Variants in GBX1 observed in about 807,000 individuals in gnomAD.
GBX1 encodes homeobox protein GBX-1.
In GBX1, 9 loss-of-function variants were observed where a neutral mutation model predicts 22.9. The ratio of observed to expected loss-of-function variants is 0.39; its 90% CI spans 0.24 to 0.69. The LOEUF (loss-of-function observed/expected upper bound fraction) is 0.69. Among genes scored for constraint, GBX1 ranks in the 30% least tolerant of loss-of-function variants. GBX1 has a pLI of 0.43. For synonymous variants in GBX1, 203 were observed against 227.3 expected, an observed-to-expected ratio of 0.89 and a Z score of 0.96; for missense variants, 494 against 509.2, an observed-to-expected ratio of 0.97 and a Z score of 0.29.
intron 1 of GBX1, among the ~76,000 whole-genome samples, chr7:151,154,674 T>A (rs937481078): frequency 4.6e-5 from 7 of 152,218 alleles, no homozygotes; most frequent in African/African-American, 1.7e-4. Context: ...GAACCTTGAT[T>A]ACTTGTAGAG....
chr7:151,152,565 A>G (rs1034983306), intron 1 of GBX1, among the ~76,000 whole-genome samples: 2 of 152,282 alleles, frequency 1.3e-5, no homozygotes, highest in African/African-American at 4.8e-5. Context: ...ACAATATGTT[A>G]AACAGTGCTA....
intron 1 of GBX1, chr7:151,149,790 C>G: frequency 5.0e-6 from 2 of 399,116 alleles, no homozygotes; most frequent in Non-Finnish European, 1.0e-5. Context: ...AGTCCCTGAA[C>G]CTCATTTCCA....
At chr7:151,150,566 G>C (rs1801065574) in intron 1 of GBX1, among the ~76,000 whole-genome samples, 1 of 152,140 alleles carries the variant, frequency 6.6e-6, no homozygotes, top group Non-Finnish European at 1.5e-5. Flanking sequence ...GAGGGTGTGT[G>C]TGTTCACAGA....
At position 151,148,920 on chromosome 7, in the gene GBX1, A is replaced by G; in HGVS notation, c.761T>C (p.Val254Ala). 6.2e-7 allele frequency: 1 copy of G among 1,613,568 alleles called. No individual in the cohort carries two copies. The highest frequency in any genetic ancestry group is 2.2e-5 in the East Asian group (1 of 44,856). Residue 254 changes from valine to alanine, a missense_variant, in exon 2 of 2, where the codon GTC becomes GCC. By Grantham distance (64) the Val-to-Ala change is moderately conservative (BLOSUM62 0). Transcript: ENST00000297537. The surrounding 1 kb of genome is among the most constrained non-coding windows in gnomAD (Gnocchi z 5.1). ...AEEGAPVTAG[V>A]TAPGGKSRRR... ...TCGGCTTTTCCCCCCAGGAGCTGTG[A>G]CCCCTGCTGTCACCGGTGCCCCCTC...
intron 1 of GBX1, among the ~76,000 whole-genome samples, chr7:151,150,323 A>G (rs996016146): frequency 6.6e-6 from 1 of 152,262 alleles, no homozygotes; most frequent in Non-Finnish European, 1.5e-5. Flanking sequence ...GTCAAAAGAC[A>G]ATCAATAGGC....
chr7:151,155,560 T>TCG (rs1801124701), intron 1 of GBX1, among the ~76,000 whole-genome samples: 1 of 152,078 alleles, frequency 6.6e-6, no homozygotes, highest in Non-Finnish European at 1.5e-5. Flanking sequence ...TCTCTCTCTC[T>TCG]GCACTCTTCC....
intron 1 of GBX1, among the ~76,000 whole-genome samples, chr7:151,150,669 C>A (rs1801070363): frequency 6.6e-6 from 1 of 151,738 alleles, no homozygotes; most frequent in Non-Finnish European, 1.5e-5. Flanking sequence ...CTCACAGGTG[C>A]AGTCTACACC....
At chr7:151,149,901 G>A (rs1028768090) in intron 1 of GBX1, 1 of 455,918 alleles carries the variant, frequency 2.2e-6, no homozygotes, top group Non-Finnish European at 4.4e-6. Context: ...ACCTTAAAAT[G>A]AAACCATCTC....
intron 1 of GBX1, among the ~76,000 whole-genome samples, chr7:151,165,185 G>A (rs1801235624): frequency 6.6e-6 from 1 of 152,008 alleles, no homozygotes; most frequent in South Asian, 2.1e-4. Flanking sequence ...TTTCTCTTCT[G>A]TTTTTTCTCT....
intron 1 of GBX1, among the ~76,000 whole-genome samples, chr7:151,151,143 G>A (rs1053964147): frequency 1.3e-5 from 2 of 152,158 alleles, no homozygotes; most frequent in Non-Finnish European, 2.9e-5. Flanking sequence ...TCTTTCTGGA[G>A]TGCTTCCTGT....
In GBX1 at chr7:151,148,472, A is replaced by G. The variant is rs1487740610; in HGVS notation, c.*117T>C. 2.0e-6 allele frequency: 2 copies of G among 978,908 alleles called. No individual in the cohort carries two copies. The highest frequency in any genetic ancestry group is 1.6e-5 in the African/African-American group (1 of 60,800). The allele number at this position is 978,908 out of a possible 1,614,324, so 60.6% of individuals were successfully genotyped here. A position where few individuals can be genotyped will look rare whatever the true frequency, so the allele number is the denominator to read the frequency against. On this transcript the variant is annotated 3_prime_UTR_variant, in exon 2 of 2. Coordinates refer to ENST00000297537, the MANE Select transcript of GBX1 (RefSeq NM_001098834.3). This position sits in a 1 kb window ranked among gnomAD's most constrained non-coding sequence, Gnocchi z 5.1. ...ACACCCAGGGCTAGGTTAATTGCCAACTAGCCCCTCTCAAGGCAGAATCAC... is the reference window on the plus strand; with the variant it reads ...ACACCCAGGGCTAGGTTAATTGCCAGCTAGCCCCTCTCAAGGCAGAATCAC...
intron 1 of GBX1, among the ~76,000 whole-genome samples, chr7:151,154,267 GATAA>G (rs1801110574): frequency 6.6e-6 from 1 of 151,932 alleles, no homozygotes; most frequent in African/African-American, 2.4e-5. Flanking sequence ...AACAAAAAAC[GATAA>G]ATAAATAAGA....
intron 1 of GBX1, among the ~76,000 whole-genome samples, chr7:151,151,628 G>A (rs145269262): frequency 7.9e-5 from 12 of 152,108 alleles, no homozygotes; most frequent in African/African-American, 1.9e-4. Flanking sequence ...ACCTAACCTC[G>A]ATGCCATCTT....
rs1247050320 is a variant in GBX1, at chr7:151,167,350, G to A, written c.199C>T (p.Pro67Ser). Reference protein sequence around the residue: ...LPQALAPAPLPAGLPPLAPLA... With the variant: ...LPQALAPAPLSAGLPPLAPLA... ...GGGGCGAGGGGCGGGAGGCCAGCGG[G>A]CAGCGGCGCAGGGGCCAGCGCCTGC... is the stretch of plus-strand genomic sequence containing the variant. The change falls in exon 1 of 2, where the codon CCC (proline) becomes TCC (serine). Residue 67 changes from proline (P) to serine (S), a missense_variant. Pro to Ser is a moderately conservative substitution (Grantham distance 74). This residue lies in a region of GBX1 where 365 missense variants were observed against 340.4 expected (regional missense o/e 1.07). Transcript: ENST00000297537. This position sits in a 1 kb window ranked among gnomAD's most constrained non-coding sequence, Gnocchi z 5.9. The A allele has an allele frequency of 6.6e-7, 1 of 1,507,872 alleles. No individual in the cohort carries two copies. Among genetic ancestry groups the A allele is most frequent in the Non-Finnish European group, 8.8e-7 (1 of 1,131,204 alleles). The allele number at this position is 1,507,872 out of a possible 1,614,324, so 93.4% of individuals were successfully genotyped here.
intron 1 of GBX1, among the ~76,000 whole-genome samples, chr7:151,158,483 A>G (rs939077439): frequency 6.6e-6 from 1 of 151,528 alleles, no homozygotes; most frequent in Non-Finnish European, 1.5e-5. Context: ...TAATGGAGAG[A>G]AAGGGAGAAC....
chr7:151,154,103 T>TGGC (rs774384041), intron 1 of GBX1, among the ~76,000 whole-genome samples: 84 of 152,212 alleles, frequency 5.5e-4, no homozygotes, highest in Middle Eastern at 3.4e-3. Context: ...CCAGGGGTGT[T>TGGC]GGCGTGCGCC....
At chr7:151,166,976 G>C in intron 1 of GBX1, 35 bp downstream of exon 1, 2 of 1,592,938 alleles carry the variant, frequency 1.3e-6, no homozygotes, top group Non-Finnish European at 1.7e-6. Context: ...AGGTGAACCG[G>C]CCTCCCGCCA....
In GBX1 at chr7:151,148,903, T is replaced by TC; in HGVS notation, c.777dup (p.Lys260GlufsTer43). ...AATGCTGTGCGGCGCCGTCGGCTTT[T>TC]CCCCCCAGGAGCTGTGACCCCTGCT... On this transcript the variant is annotated frameshift_variant, in exon 2 of 2. Transcript: ENST00000297537. LOFTEE classifies it high-confidence loss of function. This position sits in a 1 kb window ranked among gnomAD's most constrained non-coding sequence, Gnocchi z 5.1. 6.2e-7 allele frequency: 1 copy of TC among 1,614,010 alleles called. No individual in the cohort carries two copies. The highest frequency in any genetic ancestry group is 8.5e-7 in the Non-Finnish European group (1 of 1,180,014).
Position 151,148,966 on chromosome 7 carries a change from T to C in GBX1, c.715A>G (p.Ser239Gly). The change falls in exon 2 of 2, where the codon AGC becomes GGC. Residue 239 changes from serine (S) to glycine (G), a missense_variant. Around this residue, in one of 3 missense-constraint regions of GBX1, gnomAD observed 365 missense variants for 340.4 expected, o/e 1.07. Coordinates refer to ENST00000297537, the MANE Select transcript of GBX1 (RefSeq NM_001098834.3). The surrounding 1 kb of genome is among the most constrained non-coding windows in gnomAD (Gnocchi z 5.1). ...CCCTCCTCAGCTCCAGTCCCCAGGCTTCCCTTTAGCTTCGGTTTAGGTCCC... is the reference window on the plus strand; with the variant it reads ...CCCTCCTCAGCTCCAGTCCCCAGGCCTCCCTTTAGCTTCGGTTTAGGTCCC... ...LLGPKPKLKG[S>G]LGTGAEEGAP... is the part of the protein sequence containing the mutation. 4 of 1,613,982 alleles carry C rather than the reference T, an allele frequency of 2.5e-6. No homozygotes were observed. The highest frequency in any genetic ancestry group is 3.4e-6 in the Non-Finnish European group (4 of 1,180,004).
Sources: gnomAD v4.1 joint callset for allele counts (sites outside exome capture counted in the v4.1 genomes callset) on GRCh38, gnomAD v4.1.1 for gene constraint, gnomAD v4.1.1 regional missense constraint, Gnocchi (gnomAD v3.1) non-coding constraint, MANE v1.5 for transcripts, NCBI Gene and HGNC (gene_info 2026-07-23, HGNC 2026-07-21) for gene names.